The following TACC1 variants were observed in gnomAD, a reference collection of about 807,000 sequenced individuals.
The protein encoded by TACC1 is transforming acidic coiled-coil-containing protein 1.
Under a neutral mutation model 84.4 loss-of-function variants are expected in TACC1, and 48 were observed. The ratio of observed to expected loss-of-function variants is 0.57; its 90% CI spans 0.45 to 0.72. The LOEUF (loss-of-function observed/expected upper bound fraction) is 0.72, where lower values mean the gene tolerates loss of function less well. Among genes scored for constraint, TACC1 ranks in the 30% least tolerant of loss-of-function variants. The pLI is 0.00. For missense variants in TACC1, 920 were observed against 973.0 expected, an observed-to-expected ratio of 0.95 and a Z score of 0.72; for synonymous variants, 372 against 376.3, an observed-to-expected ratio of 0.99 and a Z score of 0.13.
Position 38,788,760 on chromosome 8 carries a change from C to T in TACC1, c.218C>T (p.Pro73Leu). ...TPEAETPIRSPFKESCDPSLG... is the reference protein window; with the variant it reads ...TPEAETPIRSLFKESCDPSLG... ...GAAGCTGAAACCCCGATCCGATCAC[C>T]TTTCAAGGAGTCCTGTGATCCATCA... The change falls in exon 2 of 13, where the codon CCT becomes CTT. Residue 73 changes from proline to leucine, a missense_variant. Physicochemically the swap from Pro to Leu is moderately conservative, Grantham distance 98 (BLOSUM62 -3). This residue lies in a region of TACC1 where 762 missense variants were observed against 747.3 expected (regional missense o/e 1.02). Coordinates refer to ENST00000317827, the MANE Select transcript of TACC1 (RefSeq NM_006283.3). 2 of 1,614,072 alleles carry T rather than the reference C, an allele frequency of 1.2e-6. No homozygotes were observed. The highest frequency in any genetic ancestry group is 1.7e-6 in the Non-Finnish European group (2 of 1,179,994).
chr8:38,731,423 TATC>T (rs1167682766), intron 1 of TACC1, among the ~76,000 whole-genome samples: 1 of 152,230 alleles, frequency 6.6e-6, no homozygotes, highest in Non-Finnish European at 1.5e-5. Flanking sequence ...TTCACAAAGA[TATC>T]ATGAAGATAA....
intron 3 of TACC1, among the ~76,000 whole-genome samples, chr8:38,752,838 C>T (rs1439367085): frequency 2.6e-5 from 4 of 152,066 alleles, no homozygotes; most frequent in East Asian, 1.9e-4. Context: ...CTATGATCCT[C>T]CTGCCCTCTG....
At chr8:38,782,479 A>G (rs1816227042), upstream of TACC1, among the ~76,000 whole-genome samples, 1 of 152,182 alleles carries the variant, frequency 6.6e-6, no homozygotes. Flanking sequence ...CGCAATAAAC[A>G]TATGTGTGCA....
At position 38,848,871 on chromosome 8, in the gene TACC1, C is replaced by G. The variant is rs1034116265; in HGVS notation, c.*848C>G. The G allele has an allele frequency of 6.6e-6, 1 of 152,184 alleles. No homozygotes were observed. Among genetic ancestry groups the G allele is most frequent in the Non-Finnish European group, 1.5e-5 (1 of 68,064 alleles). 9.4% of individuals were successfully genotyped at this position (152,184 alleles called of 1,614,324 possible). A position where few individuals can be genotyped will look rare whatever the true frequency, so the allele number is the denominator to read the frequency against. On this transcript the variant is annotated 3_prime_UTR_variant, in exon 13 of 13. Coordinates refer to ENST00000317827, the MANE Select transcript of TACC1 (RefSeq NM_006283.3). ...ATGAACGGCAATATGGGACTCCCTCCAAGCTAGGGTTTGGCAAGTCTGCCC... is the reference window on the plus strand; with the variant it reads ...ATGAACGGCAATATGGGACTCCCTCGAAGCTAGGGTTTGGCAAGTCTGCCC...
chr8:38,757,197 C>T, intron 3 of TACC1: 1 of 884,912 alleles, frequency 1.1e-6, no homozygotes, highest in Non-Finnish European at 1.4e-6. Flanking sequence ...GGCGGGGACC[C>T]TACGGCCGGG....
rs866125721 is a variant in TACC1, at chr8:38,827,349, A to G, written c.1634A>G (p.Asn545Ser). The stretch of plus-strand genomic sequence containing the variant: ...TCCAATGTTCCTGTGTCTACCATAA[A>G]TCATGCGTTTTCATCCTCAGAAGCA... ...ECSNVPVSTI[N>S]HAFSSSEAGI... Residue 545 changes from asparagine to serine, a missense_variant, in exon 5 of 13, where the codon AAT (asparagine) becomes AGT (serine). By Grantham distance (46) the Asn-to-Ser change is conservative. Coordinates refer to ENST00000317827, the MANE Select transcript of TACC1 (RefSeq NM_006283.3). 2.5e-6 allele frequency: 4 copies of G among 1,614,192 alleles called. No homozygotes were observed. The Middle Eastern group carries it at 4.9e-4, about 200-fold the overall frequency.
At chr8:38,729,088 G>A (rs897630661) in intron 1 of TACC1, among the ~76,000 whole-genome samples, 5 of 149,412 alleles carry the variant, frequency 3.3e-5, no homozygotes, top group African/African-American at 4.9e-5. Flanking sequence ...GAATAGATTC[G>A]GGGAGAAGTG....
At position 38,851,861 on chromosome 8, in the gene TACC1, A is replaced by G. The variant is rs991496677; in HGVS notation, c.*3838A>G. 4 of 449,604 alleles carry G rather than the reference A, an allele frequency of 8.9e-6. No individual in the cohort carries two copies. Among genetic ancestry groups the G allele is most frequent in the East Asian group, 7.0e-5 (1 of 14,338 alleles). 27.9% of individuals were successfully genotyped at this position (449,604 alleles called of 1,614,324 possible). Reference sequence around the variant, plus strand: ...TGGGAATCCCAGAATGTCAAGCCAAAGGTCTAAGAAGTCATCTCCTTCAAA... The same window carrying G: ...TGGGAATCCCAGAATGTCAAGCCAAGGGTCTAAGAAGTCATCTCCTTCAAA... On this transcript the variant is annotated 3_prime_UTR_variant, in exon 13 of 13. Coordinates refer to ENST00000317827, the MANE Select transcript of TACC1 (RefSeq NM_006283.3).
At chr8:38,840,489 G>C (rs1399514658) in intron 9 of TACC1, 3 of 402,370 alleles carry the variant, frequency 7.5e-6, no homozygotes, top group African/African-American at 6.1e-5. Context: ...TCTTTTATAA[G>C]GACACTAATC....
At chr8:38,775,972 A>G (rs1814725733) in intron 3 of TACC1, among the ~76,000 whole-genome samples, 1 of 152,206 alleles carries the variant, frequency 6.6e-6, no homozygotes, top group Admixed American at 6.5e-5. Flanking sequence ...TGTGTGTGCT[A>G]GAAATCGTCA....
intron 3 of TACC1, among the ~76,000 whole-genome samples, chr8:38,778,751 T>A (rs530017734): frequency 7.2e-5 from 11 of 152,182 alleles, no homozygotes; most frequent in Non-Finnish European, 1.3e-4. Flanking sequence ...GCCTTGCTAC[T>A]TTTTCCCAGA....
intron 2 of TACC1, among the ~76,000 whole-genome samples, chr8:38,812,163 T>C (rs1345158694): frequency 6.6e-6 from 1 of 152,224 alleles, no homozygotes; most frequent in African/African-American, 2.4e-5. Flanking sequence ...ATCAAGACAA[T>C]ATGTGCATAG....
upstream of TACC1, among the ~76,000 whole-genome samples, chr8:38,784,469 A>T (rs976643178): frequency 3.9e-5 from 6 of 152,034 alleles, no homozygotes; most frequent in Admixed American, 6.6e-5. Flanking sequence ...TGGGAGGCTG[A>T]GGCAGGGAGA....
intron 5 of TACC1, 67 bp downstream of exon 5, chr8:38,827,442 C>G: frequency 6.6e-7 from 1 of 1,507,404 alleles, no homozygotes; most frequent in African/African-American, 1.4e-5. Flanking sequence ...CCTAATAAAG[C>G]AGGAGGAGCC....
exon 2 of TACC1, chr8:38,742,450 A>G (rs1183138380): frequency 6.5e-7 from 1 of 1,529,276 alleles, no homozygotes; most frequent in East Asian, 2.4e-5. Context: ...AAACCATCAA[A>G]GGTAATTCTT....
Position 38,848,146 on chromosome 8 carries a change from C to T in TACC1, c.*123C>T. ...GAAAAAAAAAAACTTAAAAAAAGCA[C>T]ATGCCTACTGCTGCCTGTCCCGCTT... is the stretch of plus-strand genomic sequence containing the variant. On this transcript the variant is annotated 3_prime_UTR_variant, in exon 13 of 13. Coordinates refer to ENST00000317827, the MANE Select transcript of TACC1 (RefSeq NM_006283.3). 1 of 870,682 alleles carries T rather than the reference C, an allele frequency of 1.1e-6. No individual in the cohort carries two copies. The highest frequency in any genetic ancestry group is 1.8e-6 in the Non-Finnish European group (1 of 569,384). The allele number at this position is 870,682 out of a possible 1,614,324, so 53.9% of individuals were successfully genotyped here.
rs1382165265 is a variant in TACC1, at chr8:38,852,877, A to G, written c.*4854A>G. The G allele has an allele frequency of 1.3e-5, 2 of 152,676 alleles. No homozygotes were observed. Among genetic ancestry groups the G allele is most frequent in the African/African-American group, 4.8e-5 (2 of 41,462 alleles). The allele number at this position is 152,676 out of a possible 1,614,324, so 9.5% of individuals were successfully genotyped here. On this transcript the variant is annotated 3_prime_UTR_variant, in exon 13 of 13. Transcript: ENST00000317827. ...CTATCAGGATTGTGTTGTGTGGAAT[A>G]TTCATCTACATAAATTTTATATGCA...
At chr8:38,748,199 A>G (rs1399946543) in intron 3 of TACC1, among the ~76,000 whole-genome samples, 7 of 152,144 alleles carry the variant, frequency 4.6e-5, no homozygotes, top group African/African-American at 1.7e-4. Context: ...TTTCTAAAAA[A>G]AAGTATCATA....
At chr8:38,821,828 G>A (rs917186903) in intron 3 of TACC1, among the ~76,000 whole-genome samples, 5 of 152,306 alleles carry the variant, frequency 3.3e-5, no homozygotes, top group Non-Finnish European at 7.4e-5. Flanking sequence ...ACATCGTCAA[G>A]TGAACTTACT....
Sources: gnomAD v4.1 joint callset for allele counts (sites outside exome capture counted in the v4.1 genomes callset) on GRCh38, gnomAD v4.1.1 for gene constraint, gnomAD v4.1.1 regional missense constraint, MANE v1.5 for transcripts, NCBI Gene and HGNC (gene_info 2026-07-23, HGNC 2026-07-21) for gene names.